The following NUGGC variants were observed in gnomAD, a reference collection of about 807,000 sequenced individuals.
NUGGC encodes the protein nuclear GTPase SLIP-GC.
NUGGC carries 58 observed loss-of-function variants against 92.6 expected under a neutral mutation model. The ratio of observed to expected loss-of-function variants is 0.63; its 90% confidence interval spans 0.51 to 0.78. NUGGC has a LOEUF of 0.78. NUGGC is among the 30% of genes least tolerant of loss of function. The pLI is 0.00. For synonymous variants in NUGGC, 376 were observed against 366.4 expected, an observed-to-expected ratio of 1.03 and a Z score of -0.30; for missense variants, 925 against 964.6, an observed-to-expected ratio of 0.96 and a Z score of 0.54.
At chr8:28,064,429 A>G (rs1431253518) in intron 7 of NUGGC, 93 bp downstream of exon 7, 1 of 1,064,720 alleles carries the variant, frequency 9.4e-7, no homozygotes, top group African/African-American at 1.6e-5. Flanking sequence ...TGAACTCAAA[A>G]TCCCTGAAGC....
intron 13 of NUGGC, among the ~76,000 whole-genome samples, chr8:28,039,254 A>G (rs1450842967): frequency 7.0e-6 from 1 of 142,624 alleles, no homozygotes; most frequent in Non-Finnish European, 1.5e-5. Context: ...TTTTTTTGAG[A>G]TGGAGTCTCA....
chr8:28,064,703 G>T lies in NUGGC; in HGVS notation c.740C>A (p.Pro247His). The T allele has an allele frequency of 1.2e-6, 2 of 1,613,982 alleles. No individual in the cohort carries two copies. The highest frequency in any genetic ancestry group is 1.7e-6 in the Non-Finnish European group (2 of 1,179,882). Residue 247 changes from proline to histidine, a missense_variant, in exon 7 of 19, where the codon CCC (proline) becomes CAC (histidine). Pro to His is a moderately conservative substitution (Grantham distance 77). Transcript: ENST00000413272. Reference sequence around the variant, plus strand: ...ATCTCTCCTCTGTGTGCGGATGTAGGGGTCCAGCTTGATGGACAGCTCTTC... The same window carrying T: ...ATCTCTCCTCTGTGTGCGGATGTAGTGGTCCAGCTTGATGGACAGCTCTTC... ...EAEELSIKLD[P>H]YIRTQRRDWD...
At chr8:28,075,580 T>C (rs13274329) in intron 1 of NUGGC, among the ~76,000 whole-genome samples, 32,573 of 152,112 alleles carry the variant, frequency 0.21, 3,650 homozygotes, top group African/African-American at 0.26. Context: ...CACTCAGCCG[T>C]GTATTTCAAA....
rs1369333223 is a variant in NUGGC, at chr8:28,026,499, A to C, written c.2245+463T>G. ...TTTCTCCACCATCACCAGACCATGA[A>C]ATTTTTCTTAAGGAGGCATCAACTT... On this transcript the variant is annotated intron_variant, in intron 18 of 18. Transcript: ENST00000413272. 2.0e-5 allele frequency among the ~76,000 whole-genome samples: 3 copies of C among 152,250 alleles called. No individual in the cohort carries two copies. The East Asian group carries it at 5.8e-4, about 29-fold the overall frequency.
At chr8:28,076,363 A>G (rs556898943) in intron 1 of NUGGC, among the ~76,000 whole-genome samples, 21 of 152,326 alleles carry the variant, frequency 1.4e-4, no homozygotes, top group Middle Eastern at 6.8e-3. Flanking sequence ...CAGCGGCACA[A>G]TCTCAGTTTA....
At chr8:28,070,166 G>T in intron 3 of NUGGC, 86 bp downstream of exon 3, 1 of 1,482,088 alleles carries the variant, frequency 6.7e-7, no homozygotes. Context: ...TCCAGCTTCA[G>T]AATTTAACCT....
intron 18 of NUGGC, among the ~76,000 whole-genome samples, chr8:28,025,268 G>C (rs1193487372): frequency 6.6e-6 from 1 of 152,204 alleles, no homozygotes. Context: ...TGACAACAGG[G>C]ACTGCCTTTT....
At chr8:28,066,071 A>G (rs1428927322) in intron 6 of NUGGC, among the ~76,000 whole-genome samples, 2 of 152,198 alleles carry the variant, frequency 1.3e-5, no homozygotes, top group Non-Finnish European at 2.9e-5. Flanking sequence ...AATTCTGTTC[A>G]CCTTGTTTCC....
At chr8:28,045,127 A>C (rs1194272472) in intron 12 of NUGGC, among the ~76,000 whole-genome samples, 1 of 152,184 alleles carries the variant, frequency 6.6e-6, no homozygotes, top group East Asian at 1.9e-4. Context: ...TTCTGACAGC[A>C]CCAGAGACAG....
chr8:28,076,922 G>C (rs572703742), intron 1 of NUGGC, among the ~76,000 whole-genome samples: 11 of 152,222 alleles, frequency 7.2e-5, no homozygotes, highest in Non-Finnish European at 1.6e-4. Flanking sequence ...CAACTAATCA[G>C]AGTTGTCCAA....
At chr8:28,040,655 T>G (rs998043954) in intron 13 of NUGGC, among the ~76,000 whole-genome samples, 1 of 146,442 alleles carries the variant, frequency 6.8e-6, no homozygotes, top group Non-Finnish European at 1.5e-5. Context: ...TTTGTTCTTG[T>G]TTTTTTTTTT....
intron 10 of NUGGC, among the ~76,000 whole-genome samples, chr8:28,054,089 C>T (rs1806859895): frequency 6.6e-6 from 1 of 152,168 alleles, no homozygotes; most frequent in Non-Finnish European, 1.5e-5. Context: ...TTGTTTCAGC[C>T]AAACATATCA....
intron 1 of NUGGC, among the ~76,000 whole-genome samples, chr8:28,075,055 GC>G (rs1339328666): frequency 6.6e-6 from 1 of 152,212 alleles, no homozygotes; most frequent in Non-Finnish European, 1.5e-5. Context: ...TAGCTTCGCT[GC>G]TTTGGGTGGC....
At chr8:28,040,838 G>T (rs888925222) in intron 13 of NUGGC, among the ~76,000 whole-genome samples, 3 of 152,078 alleles carry the variant, frequency 2.0e-5, no homozygotes, top group Non-Finnish European at 2.9e-5. Flanking sequence ...GTAGAGACGG[G>T]GTTTCACCAT....
intron 10 of NUGGC, among the ~76,000 whole-genome samples, chr8:28,049,762 A>G (rs1228017435): frequency 6.6e-6 from 1 of 152,234 alleles, no homozygotes; most frequent in East Asian, 1.9e-4. Flanking sequence ...AAGATGTTGT[A>G]TGTGAGAGAG....
At chr8:28,060,663 G>T in intron 7 of NUGGC, 62 bp from the exon 8 acceptor site, 2 of 1,462,974 alleles carry the variant, frequency 1.4e-6, no homozygotes, top group African/African-American at 1.4e-5. Context: ...CTGAGGACCG[G>T]TTCCCTAATG....
In NUGGC at chr8:28,041,262, G is replaced by C. The variant is rs1585565385; in HGVS notation, c.1447-47C>G. The C allele has an allele frequency of 2.6e-6, 4 of 1,555,322 alleles. No homozygotes were observed. In the East Asian group the frequency reaches 9.3e-5, roughly 36 times the overall value. ...GAATCAGGCCACCCCCTCCCTAAGG[G>C]CACCTTCTCCTGAAGCTTTGCTTTC... On this transcript the variant is annotated intron_variant, in intron 12 of 18. Coordinates refer to ENST00000413272, the MANE Select transcript of NUGGC (RefSeq NM_001010906.2).
At chr8:28,046,737 A>T (rs1462496498) in intron 11 of NUGGC, among the ~76,000 whole-genome samples, 1 of 148,592 alleles carries the variant, frequency 6.7e-6, no homozygotes, top group African/African-American at 2.5e-5. Flanking sequence ...CTGGAGTTCA[A>T]TGGTGCGATC....
At chr8:28,030,508 A>G in intron 15 of NUGGC, 90 bp from the exon 16 acceptor site, 4 of 708,600 alleles carry the variant, frequency 5.6e-6, no homozygotes, top group African/African-American at 1.7e-5. Flanking sequence ...CATTCCCTCC[A>G]CCTCCACCTT....
Sources: gnomAD v4.1 joint callset for allele counts (sites outside exome capture counted in the v4.1 genomes callset) on GRCh38, gnomAD v4.1.1 for gene constraint, MANE v1.5 for transcripts, NCBI Gene and HGNC (gene_info 2026-07-23, HGNC 2026-07-21) for gene names.